RALYL: variants seen among roughly 807,000 people sequenced by gnomAD.
The protein encoded by RALYL is RNA-binding Raly-like protein.
RALYL carries 29 observed loss-of-function variants against 35.1 expected under a neutral mutation model. That is an observed-to-expected ratio of 0.83 (90% CI 0.61 to 1.13). The LOEUF is 1.13. Among genes scored for constraint, RALYL ranks in the 50% most tolerant of loss-of-function variants. The probability of loss-of-function intolerance (pLI) is 0.00; values close to 1 mark genes in which losing one functional copy is unlikely to be tolerated. For synonymous variants in RALYL, 120 were observed against 127.6 expected (o/e 0.94, Z 0.40); for missense variants, 359 against 360.4 (o/e 1.00, Z 0.03).
intron 1 of RALYL, among the ~76,000 whole-genome samples, chr8:84,224,495 G>A (rs759910011): frequency 5.3e-5 from 8 of 152,064 alleles, no homozygotes; most frequent in Admixed American, 6.6e-5. Context: ...GGGGCCAAGG[G>A]CCAGTGTTCT....
At chr8:84,403,467 G>A (rs957521001) in intron 1 of RALYL, among the ~76,000 whole-genome samples, 57 of 141,250 alleles carry the variant, frequency 4.0e-4, no homozygotes, top group African/African-American at 1.5e-3. Context: ...TTAGATGGTT[G>A]TAGATGAGTG....
chr8:84,808,270 C>A (rs1351344186), intron 4 of RALYL, among the ~76,000 whole-genome samples: 1 of 152,142 alleles, frequency 6.6e-6, no homozygotes, highest in East Asian at 1.9e-4. Flanking sequence ...GTCCTTTTCC[C>A]ACTTTATGTT....
At chr8:84,799,659 A>AAAAT (rs1348347729) in intron 3 of RALYL, among the ~76,000 whole-genome samples, 1 of 152,234 alleles carries the variant, frequency 6.6e-6, no homozygotes, top group Non-Finnish European at 1.5e-5. Flanking sequence ...AAGGAAGAGC[A>AAAAT]AAATAAGCGA....
chr8:84,259,907 GC>G (rs1563625669), intron 1 of RALYL, among the ~76,000 whole-genome samples: 1 of 152,152 alleles, frequency 6.6e-6, no homozygotes, highest in Non-Finnish European at 1.5e-5. Flanking sequence ...CGGAGACCAG[GC>G]TGTTGCAATT....
chr8:84,696,114 T>A (rs1839086495), intron 2 of RALYL, among the ~76,000 whole-genome samples: 1 of 151,850 alleles, frequency 6.6e-6, no homozygotes, highest in Admixed American at 6.6e-5. Context: ...ATATGAACAA[T>A]CATGTCTGTT....
intron 4 of RALYL, among the ~76,000 whole-genome samples, chr8:84,840,928 G>A (rs1057165188): frequency 6.6e-6 from 1 of 152,112 alleles, no homozygotes; most frequent in Admixed American, 6.5e-5. Context: ...GAGAGATTTT[G>A]TCACCACCAG....
chr8:84,264,177 G>C (rs1469488580), intron 1 of RALYL, among the ~76,000 whole-genome samples: 1 of 152,158 alleles, frequency 6.6e-6, no homozygotes, highest in Non-Finnish European at 1.5e-5. Context: ...CTAGGTCCTT[G>C]AGGAATTGCC....
intron 2 of RALYL, among the ~76,000 whole-genome samples, chr8:84,616,437 G>A (rs1321056651): frequency 2.7e-5 from 4 of 149,828 alleles, no homozygotes; most frequent in Non-Finnish European, 5.9e-5. Context: ...ACTTTTTGAT[G>A]GGGTTGTTTT....
intron 4 of RALYL, among the ~76,000 whole-genome samples, chr8:84,839,440 C>G (rs775331853): frequency 6.6e-6 from 1 of 152,220 alleles, no homozygotes. Flanking sequence ...CGCCATTGCC[C>G]AGGCTTCAGT....
intron 1 of RALYL, among the ~76,000 whole-genome samples, chr8:84,446,732 G>C (rs1231107190): frequency 6.6e-6 from 1 of 151,950 alleles, no homozygotes. Context: ...AAGTTGTCAA[G>C]AGAGAGGGCT....
chr8:84,675,131 A>G (rs1158932196), intron 2 of RALYL, among the ~76,000 whole-genome samples: 2 of 152,130 alleles, frequency 1.3e-5, no homozygotes, highest in Non-Finnish European at 2.9e-5. Context: ...TTCCAATTCC[A>G]TGCTGTTTGA....
intron 2 of RALYL, among the ~76,000 whole-genome samples, chr8:84,574,970 G>A (rs1468419136): frequency 6.6e-6 from 1 of 151,990 alleles, no homozygotes. Context: ...CAAAATTCTG[G>A]CTGTTTTCAC....
At chr8:84,510,740 G>T (rs1418399790) in intron 1 of RALYL, among the ~76,000 whole-genome samples, 1 of 152,020 alleles carries the variant, frequency 6.6e-6, no homozygotes, top group African/African-American at 2.4e-5. Flanking sequence ...AACCTGGGAG[G>T]TGGAGGTTGC....
At chr8:84,296,655 G>A (rs1174444497) in intron 1 of RALYL, among the ~76,000 whole-genome samples, 2 of 108,158 alleles carry the variant, frequency 1.8e-5, no homozygotes, top group Non-Finnish European at 3.5e-5. Context: ...TTTTTTGACT[G>A]AGAGGTGTAT....
In RALYL at chr8:84,801,200, G is replaced by A. The variant is rs565810777; in HGVS notation, c.333-3570G>A. On this transcript the variant is annotated intron_variant, in intron 3 of 8. Coordinates refer to ENST00000521268, the MANE Select transcript of RALYL (RefSeq NM_173848.7). ...CAAAAGGTAGAGTGGCCTGATGGGG[G>A]CACCCACCAAGATTTCCTGCCCTAT... Among the ~76,000 whole-genome samples, 3 of 152,230 alleles carry A rather than the reference G, an allele frequency of 2.0e-5. No individual in the cohort carries two copies. In the South Asian group the frequency reaches 6.2e-4, roughly 32 times the overall value.
intron 3 of RALYL, among the ~76,000 whole-genome samples, chr8:84,786,005 G>A (rs187028224): frequency 6.6e-5 from 10 of 152,174 alleles, no homozygotes; most frequent in Admixed American, 2.6e-4. Flanking sequence ...CCATAGGCCC[G>A]AGTGTGTTTT....
At chr8:84,415,216 T>G (rs181370938) in intron 1 of RALYL, among the ~76,000 whole-genome samples, 2,745 of 150,922 alleles carry the variant, frequency 0.018, 46 homozygotes, top group Non-Finnish European at 0.028. Context: ...TTTTTTTTTT[T>G]TTGTTTTTTT....
intron 2 of RALYL, among the ~76,000 whole-genome samples, chr8:84,659,676 C>T (rs1274077353): frequency 1.3e-5 from 2 of 152,112 alleles, no homozygotes; most frequent in African/African-American, 4.8e-5. Flanking sequence ...TCAGGGCAAA[C>T]TGCTAGAAAG....
intron 1 of RALYL, among the ~76,000 whole-genome samples, chr8:84,200,021 CTTA>C (rs35517618): frequency 0.33 from 49,522 of 151,736 alleles, 8,323 homozygotes; most frequent in Middle Eastern, 0.43. Context: ...AATCCCAGTA[CTTA>C]TTATGTAATT....
Sources: gnomAD v4.1 joint callset for allele counts (sites outside exome capture counted in the v4.1 genomes callset) on GRCh38, gnomAD v4.1.1 for gene constraint, MANE v1.5 for transcripts, NCBI Gene and HGNC (gene_info 2026-07-23, HGNC 2026-07-21) for gene names.